MROH1: variants seen among roughly 807,000 people sequenced by gnomAD.
MROH1 encodes maestro heat-like repeat-containing protein family member 1.
A neutral mutation model predicts 116.5 loss-of-function variants in MROH1; 117 were observed. The observed-to-expected ratio is 1.00, with a 90% CI of 0.86 to 1.17. MROH1 has a LOEUF of 1.17. Ranked by LOEUF, MROH1 falls within the 50% of genes most tolerant of loss-of-function variation. The probability of loss-of-function intolerance (pLI) is 0.00; values close to 1 mark genes in which losing one functional copy is unlikely to be tolerated. For missense variants in MROH1, 1,873 were observed against 1,338.5 expected (o/e 1.40, Z -6.23); for synonymous variants, 921 against 583.9 (o/e 1.58, Z -8.32).
intron 12 of MROH1, among the ~76,000 whole-genome samples, chr8:144,219,196 G>A (rs1836185824): frequency 6.6e-6 from 1 of 151,874 alleles, no homozygotes; most frequent in African/African-American, 2.4e-5. Context: ...CTAATTTTTT[G>A]TATTTTTAGT....
intron 14 of MROH1, among the ~76,000 whole-genome samples, chr8:144,234,044 C>A (rs1231030036): frequency 1.3e-5 from 2 of 152,192 alleles, no homozygotes; most frequent in African/African-American, 4.8e-5. Flanking sequence ...GAGTCTTGCT[C>A]TGTCGCCCAG....
chr8:144,166,018 A>G (rs1000349101), intron 3 of MROH1, among the ~76,000 whole-genome samples: 1 of 152,008 alleles, frequency 6.6e-6, no homozygotes, highest in Non-Finnish European at 1.5e-5. Flanking sequence ...AGCTGGGACT[A>G]TAGGTACCTG....
At chr8:144,234,058 G>A (rs370099851) in intron 14 of MROH1, among the ~76,000 whole-genome samples, 101 of 152,278 alleles carry the variant, frequency 6.6e-4, no homozygotes, top group African/African-American at 2.2e-3. Flanking sequence ...CGCCCAGGCT[G>A]GAGTGCAGTG....
intron 7 of MROH1, among the ~76,000 whole-genome samples, chr8:144,189,079 T>A (rs1355068290): frequency 1.1e-3 from 165 of 152,186 alleles, no homozygotes; most frequent in Non-Finnish European, 2.1e-4. Context: ...TGTTTGAAAA[T>A]ACCAAGTTTA....
At chr8:144,261,446 C>G in intron 43 of MROH1, 97 bp downstream of exon 43, 1 of 699,830 alleles carries the variant, frequency 1.4e-6, no homozygotes, top group Non-Finnish European at 2.6e-6. Context: ...GGACTTTTTC[C>G]CTGTCACTGG....
At chr8:144,246,107 C>T (rs1841882882) in intron 29 of MROH1, among the ~76,000 whole-genome samples, 2 of 125,610 alleles carry the variant, frequency 1.6e-5, no homozygotes, top group Admixed American at 2.0e-4. Context: ...TCCTTCCTTT[C>T]TTTCCTTTCT....
At chr8:144,220,142 AG>A (rs1836393417) in intron 12 of MROH1, among the ~76,000 whole-genome samples, 1 of 152,192 alleles carries the variant, frequency 6.6e-6, no homozygotes, top group South Asian at 2.1e-4. Flanking sequence ...ATGGTTCTCA[AG>A]GGGGTCCCCA....
Position 144,200,440 on chromosome 8 carries a change from C to T in MROH1, c.1040C>T (p.Pro347Leu). Residue 347 changes from proline (P) to leucine (L), a missense_variant, in exon 12 of 44, where the codon CCT becomes CTT. Transcript: ENST00000326134. ...CGTTGCCCTGTAGCCTGCAGCTCGC[C>T]TGACCGCCTACTGGCCTTCCTGCTG... ...RCFTVLACSS[P>L]DRLLAFLLPR... 1 of 1,549,960 alleles carries T rather than the reference C, an allele frequency of 6.5e-7. No individual in the cohort carries two copies. Among genetic ancestry groups the T allele is most frequent in the East Asian group, 2.4e-5 (1 of 40,968 alleles).
intron 35 of MROH1, among the ~76,000 whole-genome samples, chr8:144,257,519 G>A (rs986644810): frequency 6.6e-5 from 10 of 152,236 alleles, no homozygotes; most frequent in Admixed American, 2.6e-4. Flanking sequence ...GTACCCAACC[G>A]TCCAGAAGCC....
chr8:144,193,394 A>T (rs1029305807), intron 10 of MROH1: 1 of 152,220 alleles, frequency 6.6e-6, no homozygotes, highest in African/African-American at 2.4e-5. Context: ...CTTTTGAGGA[A>T]CAATTAATTC....
intron 8 of MROH1, 50 bp from the exon 9 acceptor site, chr8:144,191,665 G>T: frequency 6.2e-7 from 1 of 1,601,742 alleles, no homozygotes. Context: ...GCTCTGAGCA[G>T]TCGGTGTTGA....
intron 31 of MROH1, among the ~76,000 whole-genome samples, chr8:144,248,045 T>A (rs1486278964): frequency 6.6e-6 from 1 of 152,238 alleles, no homozygotes; most frequent in Non-Finnish European, 1.5e-5. Flanking sequence ...GCGGCTGCCC[T>A]GTGTGGTGTT....
At chr8:144,209,163 C>G (rs911739884) in intron 12 of MROH1, among the ~76,000 whole-genome samples, 5 of 152,022 alleles carry the variant, frequency 3.3e-5, no homozygotes, top group African/African-American at 1.2e-4. Flanking sequence ...TCCCAAAGTG[C>G]TGGGATTATA....
intron 12 of MROH1, among the ~76,000 whole-genome samples, chr8:144,207,122 A>G (rs1018219136): frequency 8.7e-5 from 13 of 150,246 alleles, no homozygotes; most frequent in Admixed American, 2.7e-4. Flanking sequence ...ATGCTTATTG[A>G]CCTTCAGATA....
chr8:144,261,188 C>T lies in MROH1; in HGVS notation c.4746C>T (p.Asn1582=), dbSNP rs1358353104. 20 of 767,300 alleles carry T rather than the reference C, an allele frequency of 2.6e-5. No individual in the cohort carries two copies. In the Middle Eastern group the frequency reaches 8.9e-4, roughly 34 times the overall value. The allele number at this position is 767,300 out of a possible 1,614,324, so 47.5% of individuals were successfully genotyped here. Reference sequence around the variant, plus strand: ...TCTACTTCAAGAGCAGCTGGGAGAACGTCCGAGCTGCTGCACCCCTGTTCA... The same window carrying T: ...TCTACTTCAAGAGCAGCTGGGAGAATGTCCGAGCTGCTGCACCCCTGTTCA... ...CLFYFKSSWE[N]VRAAAPLFTG... is the part of the protein sequence containing the mutation. The change falls in exon 42 of 44, where the codon AAC becomes AAT. Residue 1582 remains asparagine (N), a synonymous_variant. Coordinates refer to ENST00000326134, the MANE Select transcript of MROH1 (RefSeq NM_032450.3).
At chr8:144,191,917 G>T in intron 9 of MROH1, 62 bp downstream of exon 9, 2 of 1,592,694 alleles carry the variant, frequency 1.3e-6, no homozygotes, top group South Asian at 2.2e-5. Context: ...CTCCCCGGGG[G>T]TGGCCGTGAG....
At chr8:144,260,079 C>T in intron 38 of MROH1, 22 bp downstream of exon 38, 3 of 732,418 alleles carry the variant, frequency 4.1e-6, no homozygotes, top group Non-Finnish European at 7.5e-6. Flanking sequence ...ACCAGCCCCT[C>T]TGGGTCCCAG....
intron 1 of MROH1, among the ~76,000 whole-genome samples, chr8:144,154,412 A>G (rs1159925327): frequency 3.3e-5 from 5 of 152,112 alleles, no homozygotes; most frequent in Non-Finnish European, 7.3e-5. Context: ...CAGCACCACT[A>G]CTGGCACTTT....
chr8:144,185,763 CGT>C (rs1454254824), intron 7 of MROH1, among the ~76,000 whole-genome samples: 1 of 72,932 alleles, frequency 1.4e-5, no homozygotes, highest in Non-Finnish European at 2.5e-5. Flanking sequence ...CTCGAGGGGA[CGT>C]GAGGGGCAGT....
Sources: allele counts gnomAD v4.1 joint callset (sites outside exome capture counted in the v4.1 genomes callset), GRCh38; gene constraint gnomAD v4.1.1; transcripts MANE v1.5; gene names NCBI Gene and HGNC (gene_info 2026-07-23, HGNC 2026-07-21).